VRK2: variants seen among roughly 807,000 people sequenced by gnomAD.
VRK2 encodes the protein serine/threonine-protein kinase VRK2.
VRK2 carries 60 observed loss-of-function variants against 57.6 expected under a neutral mutation model. The observed-to-expected ratio is 1.04, with a 90% confidence interval of 0.85 to 1.29. The LOEUF (loss-of-function observed/expected upper bound fraction) is 1.29, where lower values mean the gene tolerates loss of function less well. VRK2 is among the 50% of genes most tolerant of loss of function. The pLI is 0.00. For synonymous variants in VRK2, 231 were observed against 199.2 expected (o/e 1.16, Z -1.35); for missense variants, 705 against 588.1 (o/e 1.20, Z -2.06).
At chr2:58,143,592 T>G (rs1681662416) in intron 11 of VRK2, among the ~76,000 whole-genome samples, 1 of 151,880 alleles carries the variant, frequency 6.6e-6, no homozygotes, top group Admixed American at 6.6e-5. Context: ...AGTGAATATA[T>G]TATACTGAAT....
intron 7 of VRK2, 133 bp downstream of exon 7, chr2:58,089,856 G>C (rs985758325): frequency 2.3e-5 from 14 of 615,790 alleles, no homozygotes; most frequent in Non-Finnish European, 4.0e-5. Context: ...TATCTTACCT[G>C]CTTATCTAAT....
chr2:58,046,540 C>G (rs990158477), upstream of VRK2: 5 of 985,576 alleles, frequency 5.1e-6, no homozygotes, highest in Non-Finnish European at 6.0e-6. Flanking sequence ...GGTCTGGCGG[C>G]GGTTCTTCGT....
At chr2:58,038,898 C>T (rs1674358369) in intron 3 of VRK2, among the ~76,000 whole-genome samples, 1 of 152,080 alleles carries the variant, frequency 6.6e-6, no homozygotes, top group Non-Finnish European at 1.5e-5. Flanking sequence ...GACTGATCAA[C>T]ATTCTGCTTT....
chr2:58,139,911 A>G (rs900974573), intron 11 of VRK2, 79 bp downstream of exon 11: 3 of 1,424,578 alleles, frequency 2.1e-6, no homozygotes, highest in South Asian at 3.0e-5. Flanking sequence ...TTAGGTCTCA[A>G]AATGAGTCTG....
chr2:58,134,299 G>A (rs888243615), intron 9 of VRK2, among the ~76,000 whole-genome samples: 4 of 152,174 alleles, frequency 2.6e-5, no homozygotes, highest in Non-Finnish European at 5.9e-5. Context: ...ATCCCCAGGA[G>A]GAATAAATGC....
intron 12 of VRK2, among the ~76,000 whole-genome samples, chr2:58,147,450 G>T (rs561806949): frequency 7.2e-5 from 11 of 151,812 alleles, no homozygotes; most frequent in Non-Finnish European, 1.5e-5. Flanking sequence ...AAGACAAATC[G>T]TGCTTGGTGA....
At chr2:58,005,890 A>T (rs1047208196) in intron 1 of VRK2, among the ~76,000 whole-genome samples, 18 of 152,296 alleles carry the variant, frequency 1.2e-4, no homozygotes, top group Non-Finnish European at 2.5e-4. Context: ...CCTCAAGGGT[A>T]GTAGCCTCTC....
chr2:58,128,238 GT>G (rs1307756261), intron 8 of VRK2, among the ~76,000 whole-genome samples: 1 of 152,168 alleles, frequency 6.6e-6, no homozygotes, highest in Non-Finnish European at 1.5e-5. Context: ...GGTGCTTTAA[GT>G]TTAAATGCCT....
intron 1 of VRK2, among the ~76,000 whole-genome samples, chr2:58,003,620 A>T (rs1673154215): frequency 6.6e-6 from 1 of 152,128 alleles, no homozygotes; most frequent in East Asian, 1.9e-4. Flanking sequence ...AAATTAGTTT[A>T]TCTGAAATTT....
chr2:58,154,270 A>T (rs898153223), intron 12 of VRK2, among the ~76,000 whole-genome samples: 1 of 151,386 alleles, frequency 6.6e-6, no homozygotes, highest in African/African-American at 2.4e-5. Context: ...TTTAATTGCC[A>T]ATGTTATTGA....
chr2:58,044,098 G>A (rs138434377), upstream of VRK2, among the ~76,000 whole-genome samples: 3 of 152,270 alleles, frequency 2.0e-5, no homozygotes, highest in East Asian at 5.8e-4. Flanking sequence ...TTTTTACATG[G>A]GGTGTGAATT....
intron 7 of VRK2, among the ~76,000 whole-genome samples, chr2:58,117,401 T>C (rs969171184): frequency 6.6e-6 from 1 of 151,936 alleles, no homozygotes; most frequent in Non-Finnish European, 1.5e-5. Context: ...GATAAAAAGA[T>C]TACAGGGTGG....
chr2:57,962,700 T>C (rs925750020), intron 1 of VRK2, among the ~76,000 whole-genome samples: 4 of 152,054 alleles, frequency 2.6e-5, no homozygotes, highest in African/African-American at 9.6e-5. Flanking sequence ...TGATATCATC[T>C]TATTCAAGTT....
At chr2:58,028,666 C>T (rs970696931) in intron 2 of VRK2, among the ~76,000 whole-genome samples, 6 of 150,606 alleles carry the variant, frequency 4.0e-5, no homozygotes, top group African/African-American at 1.5e-4. Flanking sequence ...TGTTCTCACT[C>T]ATAGGTGGGA....
chr2:57,982,899 C>T (rs530065257), intron 1 of VRK2, among the ~76,000 whole-genome samples: 34 of 152,314 alleles, frequency 2.2e-4, no homozygotes, highest in Admixed American at 3.9e-4. Context: ...TCTGTCTCTG[C>T]CAACTCTCTA....
At chr2:57,908,574 G>A (rs947025814) in intron 1 of VRK2, among the ~76,000 whole-genome samples, 5 of 151,902 alleles carry the variant, frequency 3.3e-5, no homozygotes, top group South Asian at 4.2e-4. Context: ...CCTCCAAAAT[G>A]TCTGAAGTTA....
chr2:57,922,324 T>C (rs1670375709), intron 1 of VRK2, among the ~76,000 whole-genome samples: 1 of 151,948 alleles, frequency 6.6e-6, no homozygotes, highest in South Asian at 2.1e-4. Flanking sequence ...TTTTTCAGCT[T>C]TAGTGGGGTT....
At chr2:58,058,263 T>A (rs886071672) in intron 2 of VRK2, 5 of 447,330 alleles carry the variant, frequency 1.1e-5, no homozygotes, top group Non-Finnish European at 2.3e-5. Flanking sequence ...TCTATTTAAC[T>A]TTTGGGAATG....
intron 1 of VRK2, among the ~76,000 whole-genome samples, chr2:57,937,879 T>A (rs1670967000): frequency 7.1e-6 from 1 of 140,968 alleles, no homozygotes; most frequent in African/African-American, 2.6e-5. Flanking sequence ...TCTCCTAGGC[T>A]GGAGTGCAAT....
Sources: gnomAD v4.1 joint callset for allele counts (sites outside exome capture counted in the v4.1 genomes callset) on GRCh38, gnomAD v4.1.1 for gene constraint, MANE v1.5 for transcripts, NCBI Gene and HGNC (gene_info 2026-07-23, HGNC 2026-07-21) for gene names.